Variants in SIRPG observed in about 807,000 individuals in gnomAD.
The protein encoded by SIRPG is signal regulatory protein gamma, also known as signal-regulatory protein gamma.
SIRPG carries 38 observed loss-of-function variants against 35.7 expected under a neutral mutation model. That is an observed-to-expected ratio of 1.06 (90% CI 0.82 to 1.40). SIRPG has a LOEUF of 1.40. Ranked by LOEUF, SIRPG falls within the 40% of genes most tolerant of loss-of-function variation. The pLI is 0.00. For missense variants in SIRPG, 519 were observed against 483.0 expected (o/e 1.07, Z -0.70); for synonymous variants, 215 against 190.4 (o/e 1.13, Z -1.06).
At chr20:1,638,187 C>T (rs888668011) in intron 2 of SIRPG, among the ~76,000 whole-genome samples, 1 of 152,114 alleles carries the variant, frequency 6.6e-6, no homozygotes, top group African/African-American at 2.4e-5. Flanking sequence ...CCCTTTATTG[C>T]CTTGAGGGGG....
intron 1 of SIRPG, 132 bp downstream of exon 1, chr20:1,657,510 T>C (rs555275289): frequency 1.1e-6 from 1 of 870,146 alleles, no homozygotes; most frequent in Admixed American, 2.3e-5. Context: ...CCTGATCTTC[T>C]GCTCTTGGAC....
At chr20:1,676,128 C>G in the SIRPG span, among the ~76,000 whole-genome samples, 1 of 152,190 alleles carries the variant, frequency 6.6e-6, no homozygotes, top group African/African-American at 2.4e-5. Context: ...CAACTGGGAA[C>G]TTGCGTCTTT....
intron 4 of SIRPG, among the ~76,000 whole-genome samples, chr20:1,631,363 A>G (rs1424871392): frequency 6.6e-6 from 1 of 152,138 alleles, no homozygotes; most frequent in African/African-American, 2.4e-5. Flanking sequence ...CCCACAAGAA[A>G]GATTGGCTGA....
chr20:1,663,149 T>C, the SIRPG span, among the ~76,000 whole-genome samples: 6 of 151,960 alleles, frequency 3.9e-5, no homozygotes, highest in Admixed American at 3.9e-4. Context: ...CCGTCTCTAC[T>C]AAAAATACAA....
intron 2 of SIRPG, among the ~76,000 whole-genome samples, chr20:1,638,645 CA>C (rs1287928094): frequency 6.6e-6 from 1 of 152,130 alleles, no homozygotes; most frequent in African/African-American, 2.4e-5. Flanking sequence ...GATACAAGTG[CA>C]GAATATGCAG....
chr20:1,636,069 G>T lies in SIRPG; in HGVS notation c.748+119C>A, dbSNP rs893187221. Reference sequence around the variant, plus strand: ...CAGCACACCTAGGTGCATGGCGGGCGGGCAGTATAGTCAGGGATTAGATTA... The same window carrying T: ...CAGCACACCTAGGTGCATGGCGGGCTGGCAGTATAGTCAGGGATTAGATTA... On this transcript the variant is annotated intron_variant, in intron 3 of 5. Transcript: ENST00000303415. 3.5e-6 allele frequency: 5 copies of T among 1,410,440 alleles called. No homozygotes were observed. In the South Asian group the frequency reaches 3.9e-5, roughly 11 times the overall value. The allele number at this position is 1,410,440 out of a possible 1,614,324, so 87.4% of individuals were successfully genotyped here. A position where few individuals can be genotyped will look rare whatever the true frequency, so the allele number is the denominator to read the frequency against.
the SIRPG span, among the ~76,000 whole-genome samples, chr20:1,673,463 C>A: frequency 2.7e-3 from 404 of 152,234 alleles, 3 homozygotes; most frequent in African/African-American, 8.8e-3. Flanking sequence ...CCTGGCATGT[C>A]GTAGGTGCTT....
At position 1,635,395 on chromosome 20, in the gene SIRPG, A is replaced by T. The variant is rs2091789562; in HGVS notation, c.953T>A (p.Ile318Lys). ...GACCACATCATCCCTTTGGTCAGATATGTTCACCAGGAACCAGCTTGTCCA... is the reference window on the plus strand; with the variant it reads ...GACCACATCATCCCTTTGGTCAGATTTGTTCACCAGGAACCAGCTTGTCCA... ...YNWTSWFLVN[I>K]SDQRDDVVLT... Residue 318 changes from isoleucine to lysine, a missense_variant, in exon 4 of 6, where the codon ATA becomes AAA. Ile to Lys is a moderately radical substitution (Grantham distance 102). Coordinates refer to ENST00000303415, the MANE Select transcript of SIRPG (RefSeq NM_018556.4). 2 of 1,614,010 alleles carry T rather than the reference A, an allele frequency of 1.2e-6. No homozygotes were observed. The highest frequency in any genetic ancestry group is 1.7e-6 in the Non-Finnish European group (2 of 1,180,030).
At chr20:1,668,215 C>CT in the SIRPG span, among the ~76,000 whole-genome samples, 7 of 31,584 alleles carry the variant, frequency 2.2e-4, no homozygotes, top group African/African-American at 4.1e-4. Flanking sequence ...TTCTTTCTTT[C>CT]TTTCTTTCTT....
At chr20:1,673,525 A>G in the SIRPG span, among the ~76,000 whole-genome samples, 4 of 152,156 alleles carry the variant, frequency 2.6e-5, no homozygotes, top group African/African-American at 9.7e-5. Flanking sequence ...TACTGCTTCT[A>G]AATCTACACA....
Position 1,657,772 on chromosome 20 carries a change from C to A in SIRPG, c.-58G>T. Reference sequence around the variant, plus strand: ...CGTCTGTTCTGGGGAGATGTCAGGCCCTGCTCTGAAGACAGAAGACAAGCC... The same window carrying A: ...CGTCTGTTCTGGGGAGATGTCAGGCACTGCTCTGAAGACAGAAGACAAGCC... On this transcript the variant is annotated 5_prime_UTR_variant, in exon 1 of 6. Coordinates refer to ENST00000303415, the MANE Select transcript of SIRPG (RefSeq NM_018556.4). 1 of 1,523,680 alleles carries A rather than the reference C, an allele frequency of 6.6e-7. No individual in the cohort carries two copies. Among genetic ancestry groups the A allele is most frequent in the Non-Finnish European group, 9.0e-7 (1 of 1,106,144 alleles). 94.4% of individuals were successfully genotyped at this position (1,523,680 alleles called of 1,614,324 possible). A position where few individuals can be genotyped will look rare whatever the true frequency, so the allele number is the denominator to read the frequency against.
the SIRPG span, among the ~76,000 whole-genome samples, chr20:1,678,480 G>GAA: frequency 1.4e-4 from 21 of 151,878 alleles, no homozygotes; most frequent in African/African-American, 4.8e-4. Flanking sequence ...GAGCAGGTGG[G>GAA]AAAAAAATCA....
the SIRPG span, among the ~76,000 whole-genome samples, chr20:1,684,986 A>G: frequency 6.6e-6 from 1 of 152,208 alleles, no homozygotes; most frequent in Non-Finnish European, 1.5e-5. Context: ...AGATAATTTG[A>G]AAAGTGAGAA....
chr20:1,664,923 A>C, the SIRPG span, among the ~76,000 whole-genome samples: 1 of 112,160 alleles, frequency 8.9e-6, no homozygotes, highest in Non-Finnish European at 1.9e-5. Flanking sequence ...ATTACTCTAC[A>C]GTGGGATTCC....
Position 1,635,245 on chromosome 20 carries a change from T to A in SIRPG, c.1081+22A>T, listed in dbSNP as rs995008682. The A allele has an allele frequency of 3.9e-6, 6 of 1,557,854 alleles. No homozygotes were observed. In the Admixed American group the frequency reaches 1.2e-4, roughly 31 times the overall value. ...TAAAATGAGAGAAAAAGACAAAATT[T>A]AAAAATTTTGAGTAACCTCACCAGG... On this transcript the variant is annotated intron_variant, in intron 4 of 5. Transcript: ENST00000303415.
the SIRPG span, among the ~76,000 whole-genome samples, chr20:1,662,893 G>A: frequency 6.6e-6 from 1 of 151,972 alleles, no homozygotes; most frequent in African/African-American, 2.4e-5. Context: ...CCTCACCATG[G>A]TTTACAAAAT....
At chr20:1,668,633 A>T in the SIRPG span, among the ~76,000 whole-genome samples, 1 of 152,232 alleles carries the variant, frequency 6.6e-6, no homozygotes, top group Non-Finnish European at 1.5e-5. Flanking sequence ...AACCAATTTT[A>T]GCTCACACAC....
intron 3 of SIRPG, 124 bp from the exon 4 acceptor site, chr20:1,635,723 A>T: frequency 1.0e-6 from 1 of 1,001,818 alleles, no homozygotes; most frequent in African/African-American, 1.6e-5. Context: ...CAGGCAGCAG[A>T]TGCTAAGACA....
At chr20:1,641,317 T>A (rs2091850387) in intron 2 of SIRPG, among the ~76,000 whole-genome samples, 1 of 152,170 alleles carries the variant, frequency 6.6e-6, no homozygotes, top group South Asian at 2.1e-4. Context: ...GGGGCTCGAT[T>A]TCTTTTTGGT....
Sources: allele counts gnomAD v4.1 joint callset (sites outside exome capture counted in the v4.1 genomes callset), GRCh38; gene constraint gnomAD v4.1.1; transcripts MANE v1.5; gene names NCBI Gene and HGNC (gene_info 2026-07-23, HGNC 2026-07-21).